ZMIZ1: variants seen among roughly 807,000 people sequenced by gnomAD.
The protein encoded by ZMIZ1 is zinc finger MIZ domain-containing protein 1.
Under a neutral mutation model 113.9 loss-of-function variants are expected in ZMIZ1, and 17 were observed. That is an observed-to-expected ratio of 0.15 (90% CI 0.10 to 0.22). The LOEUF is 0.22. Ranked by LOEUF, ZMIZ1 falls within the 10% of genes least tolerant of loss-of-function variation. The probability of loss-of-function intolerance (pLI) is 1.00; values close to 1 mark genes in which losing one functional copy is unlikely to be tolerated. For synonymous variants in ZMIZ1, 607 were observed against 603.1 expected, an observed-to-expected ratio of 1.01 and a Z score of -0.09; for missense variants, 1,059 against 1,477.8, an observed-to-expected ratio of 0.72 and a Z score of 4.65.
rs1854085416 is a variant in ZMIZ1, at chr10:79,298,718, G to A, written c.1666+138G>A. 9 of 845,788 alleles carry A rather than the reference G, an allele frequency of 1.1e-5. No homozygotes were observed. The South Asian group carries it at 1.3e-4, about 12-fold the overall frequency. 52.4% of individuals were successfully genotyped at this position (845,788 alleles called of 1,614,324 possible). A position where few individuals can be genotyped will look rare whatever the true frequency, so the allele number is the denominator to read the frequency against. ...GTTGAGAGCAGGTGAGATACCCAGG[G>A]GCACACTCAAGGCGGGGTAGGCAGC... On this transcript the variant is annotated intron_variant, in intron 15 of 24. Coordinates refer to ENST00000334512, the MANE Select transcript of ZMIZ1 (RefSeq NM_020338.4).
chr10:79,175,854 C>T (rs986113657), intron 4 of ZMIZ1, among the ~76,000 whole-genome samples: 2 of 152,002 alleles, frequency 1.3e-5, no homozygotes, highest in African/African-American at 2.4e-5. Flanking sequence ...CACAGGACTC[C>T]TGGGAGCCGG....
chr10:79,169,357 G>A (rs1846509769), intron 4 of ZMIZ1, among the ~76,000 whole-genome samples: 1 of 152,214 alleles, frequency 6.6e-6, no homozygotes, highest in South Asian at 2.1e-4. Flanking sequence ...GTTGCCTCCT[G>A]CCCGGCAGCT....
rs147118287 is a variant in ZMIZ1, at chr10:79,299,043, G to A, written c.1667-7G>A. The A allele has an allele frequency of 6.8e-4, 1,095 of 1,602,162 alleles. 4 individuals are homozygous for A. The highest frequency in any genetic ancestry group is 4.3e-3 in the African/African-American group (321 of 74,818). ...TGTGGCTCACCCACCTCCTCTCCTC[G>A]CCCCAGCCAACCACAATGACGAGCT... On this transcript the variant is annotated splice_polypyrimidine_tract_variant and splice_region_variant and intron_variant, in intron 15 of 24. Transcript: ENST00000334512.
intron 2 of ZMIZ1, among the ~76,000 whole-genome samples, chr10:79,138,374 G>A (rs1298986815): frequency 2.6e-5 from 4 of 152,226 alleles, no homozygotes; most frequent in African/African-American, 4.8e-5. Flanking sequence ...GAGCCTGACC[G>A]GAGGGGCAGA....
At chr10:79,172,824 T>C (rs1846657022) in intron 4 of ZMIZ1, among the ~76,000 whole-genome samples, 1 of 152,174 alleles carries the variant, frequency 6.6e-6, no homozygotes, top group Non-Finnish European at 1.5e-5. Flanking sequence ...CCTTCCCAGC[T>C]CCATGGGAAA....
rs554362402 is a variant in ZMIZ1, at chr10:79,289,666, T to G, written c.426-109T>G. On this transcript the variant is annotated intron_variant, in intron 8 of 24. Coordinates refer to ENST00000334512, the MANE Select transcript of ZMIZ1 (RefSeq NM_020338.4). ...GTCCAGTACCGACTCGGATGGGGGT[T>G]ACCTTGGACTGACTGGGAGCTGCGG... 3.5e-5 allele frequency: 34 copies of G among 981,030 alleles called. No individual in the cohort carries two copies. In the South Asian group the frequency reaches 5.0e-4, roughly 14 times the overall value. The allele number at this position is 981,030 out of a possible 1,614,324, so 60.8% of individuals were successfully genotyped here.
intron 7 of ZMIZ1, among the ~76,000 whole-genome samples, chr10:79,251,853 G>C (rs79007035): frequency 6.6e-6 from 1 of 152,180 alleles, no homozygotes; most frequent in South Asian, 2.1e-4. Flanking sequence ...CATTGTCCCA[G>C]GGGGTCAGGG....
At chr10:79,240,467 C>A (rs557044719) in intron 7 of ZMIZ1, among the ~76,000 whole-genome samples, 21 of 152,158 alleles carry the variant, frequency 1.4e-4, no homozygotes, top group Middle Eastern at 3.4e-3. Flanking sequence ...TTCTGTAGAC[C>A]GGAGGCGTGT....
chr10:79,084,294 C>T (rs143976199), intron 1 of ZMIZ1, among the ~76,000 whole-genome samples: 60 of 152,352 alleles, frequency 3.9e-4, no homozygotes, highest in African/African-American at 1.3e-3. Flanking sequence ...GGATCAACTG[C>T]GTGGGGCTGG....
intron 7 of ZMIZ1, among the ~76,000 whole-genome samples, chr10:79,221,360 C>T (rs537632183): frequency 1.1e-4 from 17 of 152,210 alleles, no homozygotes; most frequent in African/African-American, 1.7e-4. Flanking sequence ...GGCGGCTCCA[C>T]GCGGCCCTGG....
At chr10:79,126,123 C>T (rs1182476222) in intron 2 of ZMIZ1, among the ~76,000 whole-genome samples, 1 of 152,218 alleles carries the variant, frequency 6.6e-6, no homozygotes, top group Non-Finnish European at 1.5e-5. Flanking sequence ...AGAGGTTCGC[C>T]ACCACAAGCA....
chr10:79,077,144 C>G (rs974710786), intron 1 of ZMIZ1, among the ~76,000 whole-genome samples: 1 of 152,160 alleles, frequency 6.6e-6, no homozygotes, highest in Admixed American at 6.5e-5. Context: ...CAGCTAGGCT[C>G]AGGACAAAGG....
chr10:79,076,284 T>C (rs781178730), intron 1 of ZMIZ1, among the ~76,000 whole-genome samples: 1 of 152,214 alleles, frequency 6.6e-6, no homozygotes, highest in Non-Finnish European at 1.5e-5. Flanking sequence ...GCTGTTGGCC[T>C]GGCACAGCCC....
intron 4 of ZMIZ1, among the ~76,000 whole-genome samples, chr10:79,188,495 A>G (rs1219584897): frequency 6.6e-6 from 1 of 152,202 alleles, no homozygotes; most frequent in African/African-American, 2.4e-5. Flanking sequence ...GAAGCTGGAC[A>G]TGATACTGGA....
intron 6 of ZMIZ1, among the ~76,000 whole-genome samples, chr10:79,213,564 C>G (rs1848605470): frequency 6.6e-6 from 1 of 152,214 alleles, no homozygotes; most frequent in South Asian, 2.1e-4. Context: ...CACCAAGCCC[C>G]TCTAGCTCAA....
At chr10:79,255,023 C>A (rs558557991) in intron 7 of ZMIZ1, among the ~76,000 whole-genome samples, 1 of 152,340 alleles carries the variant, frequency 6.6e-6, no homozygotes, top group South Asian at 2.1e-4. Flanking sequence ...CCAGCCCGGG[C>A]TGGCTGGGTC....
intron 7 of ZMIZ1, among the ~76,000 whole-genome samples, chr10:79,276,371 G>A (rs1026597844): frequency 2.0e-5 from 3 of 152,204 alleles, no homozygotes; most frequent in Admixed American, 6.5e-5. Flanking sequence ...CTGTGGCCAC[G>A]TGGGGACAGT....
intron 7 of ZMIZ1, among the ~76,000 whole-genome samples, chr10:79,272,548 T>A (rs1852011970): frequency 6.6e-6 from 1 of 152,066 alleles, no homozygotes; most frequent in African/African-American, 2.4e-5. Flanking sequence ...TGGTTTGGAC[T>A]CAGCAGTGGG....
At chr10:79,161,682 C>T (rs574640201) in intron 3 of ZMIZ1, among the ~76,000 whole-genome samples, 6 of 152,298 alleles carry the variant, frequency 3.9e-5, no homozygotes, top group South Asian at 4.1e-4. Flanking sequence ...TCTGAGTCTC[C>T]GCAAGGGTAG....
Sources: allele counts gnomAD v4.1 joint callset (sites outside exome capture counted in the v4.1 genomes callset), GRCh38; gene constraint gnomAD v4.1.1; transcripts MANE v1.5; gene names NCBI Gene and HGNC (gene_info 2026-07-23, HGNC 2026-07-21).